MED12L: variants seen among roughly 807,000 people sequenced by gnomAD.
The protein encoded by MED12L is mediator of RNA polymerase II transcription subunit 12-like protein.
A neutral mutation model predicts 281.3 loss-of-function variants in MED12L; 60 were observed. That is an observed-to-expected ratio of 0.21 (90% CI 0.17 to 0.26). The LOEUF is 0.26. MED12L is among the 10% of genes least tolerant of loss of function. The pLI is 1.00. For synonymous variants in MED12L, 974 were observed against 987.2 expected (o/e 0.99, Z 0.25); for missense variants, 2,146 against 2,680.9 (o/e 0.80, Z 4.41).
chr3:151,324,719 A>G (rs1441157083), intron 16 of MED12L, among the ~76,000 whole-genome samples: 1 of 152,192 alleles, frequency 6.6e-6, no homozygotes, highest in Non-Finnish European at 1.5e-5. Context: ...AGCAATGTGT[A>G]TTTGGAGAAT....
intron 16 of MED12L, among the ~76,000 whole-genome samples, chr3:151,229,612 G>A (rs1731233451): frequency 6.6e-6 from 1 of 151,428 alleles, no homozygotes; most frequent in Non-Finnish European, 1.5e-5. Flanking sequence ...CCTAGTAGCT[G>A]GGACTACAGG....
intron 39 of MED12L, 90 bp downstream of exon 39, chr3:151,394,957 G>C: frequency 6.6e-7 from 1 of 1,525,406 alleles, no homozygotes; most frequent in Admixed American, 1.8e-5. Context: ...TATTCTTTCT[G>C]TATGCATATC....
intron 16 of MED12L, among the ~76,000 whole-genome samples, chr3:151,225,209 T>G (rs769903234): frequency 4.6e-5 from 7 of 152,172 alleles, no homozygotes; most frequent in Non-Finnish European, 1.0e-4. Flanking sequence ...TTCACAGAAG[T>G]TGCTGTTCTC....
chr3:151,391,102 C>T (rs1335750316), intron 38 of MED12L, among the ~76,000 whole-genome samples: 6 of 151,852 alleles, frequency 4.0e-5, no homozygotes, highest in African/African-American at 1.5e-4. Context: ...TACAGTGGAC[C>T]CAGTTTTGGA....
chr3:151,136,138 C>T (rs187305605), intron 5 of MED12L, among the ~76,000 whole-genome samples: 16 of 152,280 alleles, frequency 1.1e-4, no homozygotes, highest in African/African-American at 3.9e-4. Flanking sequence ...CTATCCTTAT[C>T]GCTCCCAAAA....
intron 16 of MED12L, among the ~76,000 whole-genome samples, chr3:151,332,818 T>C (rs1438385096): frequency 6.6e-6 from 1 of 152,174 alleles, no homozygotes; most frequent in Non-Finnish European, 1.5e-5. Context: ...TGTAGGGGTT[T>C]GGTGTACAGA....
intron 4 of MED12L, among the ~76,000 whole-genome samples, chr3:151,126,381 T>TC: frequency 6.6e-6 from 1 of 152,306 alleles, no homozygotes; most frequent in Non-Finnish European, 1.5e-5. Flanking sequence ...AGGCAGCTTT[T>TC]CCTTCAGCAT....
intron 16 of MED12L, among the ~76,000 whole-genome samples, chr3:151,282,271 G>A (rs1742915521): frequency 6.6e-6 from 1 of 151,734 alleles, no homozygotes; most frequent in Non-Finnish European, 1.5e-5. Flanking sequence ...ACCTATTGAT[G>A]GATTTTCAGA....
chr3:151,420,023 C>T (rs1217176672), intron 43 of MED12L, among the ~76,000 whole-genome samples: 1 of 152,200 alleles, frequency 6.6e-6, no homozygotes, highest in Non-Finnish European at 1.5e-5. Context: ...TTCCCTTCAC[C>T]TTCAGCACGC....
chr3:151,328,772 A>AT, intron 16 of MED12L: 1 of 1,614,024 alleles, frequency 6.2e-7, no homozygotes. Context: ...GAAAGGAAGC[A>AT]TGAGTGTCAT....
In MED12L at chr3:151,409,336, C is replaced by T. The variant is rs1185343907; in HGVS notation, c.5910+4C>T. ...TCCAGGGCTGCAGCAAGCACAGGTA[C>T]CCACATTTGCTTTGTAGGTACTGAC... On this transcript the variant is annotated splice_donor_region_variant and intron_variant, in intron 40 of 44. Coordinates refer to ENST00000687756, the MANE Select transcript of MED12L (RefSeq NM_001393769.1). 5.0e-6 allele frequency: 8 copies of T among 1,613,638 alleles called. No homozygotes were observed. Among genetic ancestry groups the T allele is most frequent in the Non-Finnish European group, 6.8e-6 (8 of 1,179,670 alleles).
intron 20 of MED12L, among the ~76,000 whole-genome samples, chr3:151,360,060 G>A (rs1203327392): frequency 6.6e-6 from 1 of 152,148 alleles, no homozygotes; most frequent in Non-Finnish European, 1.5e-5. Flanking sequence ...CAGATTGACT[G>A]CTTTGAAGCA....
chr3:151,403,817 GA>G (rs1334184674), intron 39 of MED12L, among the ~76,000 whole-genome samples: 1 of 152,088 alleles, frequency 6.6e-6, no homozygotes, highest in Admixed American at 6.5e-5. Context: ...TTCAAACTTT[GA>G]AAATATTTAG....
intron 11 of MED12L, among the ~76,000 whole-genome samples, chr3:151,176,126 G>A (rs36066123): frequency 0.05 from 7,640 of 152,284 alleles, 269 homozygotes; most frequent in Middle Eastern, 0.088. Context: ...AGGTATTGGC[G>A]TAAGAGCCCT....
chr3:151,202,533 G>A (rs537903711), intron 16 of MED12L, among the ~76,000 whole-genome samples: 12 of 152,104 alleles, frequency 7.9e-5, no homozygotes, highest in Admixed American at 2.0e-4. Context: ...TAGCCAACGC[G>A]GTGGCGGGCA....
chr3:151,432,785 G>C lies in MED12L; in HGVS notation c.6524G>C (p.Gly2175Ala). 1 of 1,612,926 alleles carries C rather than the reference G, an allele frequency of 6.2e-7. No individual in the cohort carries two copies. Among genetic ancestry groups the C allele is most frequent in the Non-Finnish European group, 8.5e-7 (1 of 1,179,396 alleles). The change falls in exon 45 of 45, where the codon GGG becomes GCG. Residue 2175 changes from glycine (G) to alanine (A), a missense_variant. By Grantham distance (60) the Gly-to-Ala change is moderately conservative. Coordinates refer to ENST00000687756, the MANE Select transcript of MED12L (RefSeq NM_001393769.1). Reference protein sequence around the residue: ...NQPQQGVTPYGHPSHF With the variant: ...NQPQQGVTPYAHPSHF ...CCACAGCAAGGAGTGACTCCGTATG[G>C]GCATCCTTCACACTTCTGAATCTGC...
chr3:151,236,341 A>G (rs1732795075), intron 16 of MED12L, among the ~76,000 whole-genome samples: 2 of 152,244 alleles, frequency 1.3e-5, no homozygotes, highest in Admixed American at 1.3e-4. Flanking sequence ...TAACATATAT[A>G]GATATCCTTT....
At chr3:151,264,643 A>G (rs541077529) in intron 16 of MED12L, among the ~76,000 whole-genome samples, 1 of 152,316 alleles carries the variant, frequency 6.6e-6, no homozygotes, top group East Asian at 1.9e-4. Flanking sequence ...GTCATAATCA[A>G]TGCTGGGAGC....
intron 3 of MED12L, among the ~76,000 whole-genome samples, chr3:151,119,870 C>G (rs1451459248): frequency 1.3e-5 from 2 of 151,994 alleles, no homozygotes; most frequent in Non-Finnish European, 2.9e-5. Flanking sequence ...ACATTCTTAT[C>G]AAATGAATTA....
Sources: gnomAD v4.1 joint callset for allele counts (sites outside exome capture counted in the v4.1 genomes callset) on GRCh38, gnomAD v4.1.1 for gene constraint, MANE v1.5 for transcripts, NCBI Gene and HGNC (gene_info 2026-07-23, HGNC 2026-07-21) for gene names.